The following RTN1 variants were observed in gnomAD, a reference collection of about 807,000 sequenced individuals.
RTN1 encodes the protein reticulon 1.
RTN1 carries 25 observed loss-of-function variants against 65.5 expected under a neutral mutation model. That is an observed-to-expected ratio of 0.38 (90% CI 0.28 to 0.53). RTN1 has a LOEUF of 0.53. RTN1 is among the 20% of genes least tolerant of loss of function. RTN1 has a pLI of 0.79. For missense variants in RTN1, 983 were observed against 1,025.4 expected, an observed-to-expected ratio of 0.96 and a Z score of 0.57; for synonymous variants, 471 against 447.6, an observed-to-expected ratio of 1.05 and a Z score of -0.66.
chr14:59,812,364 T>C (rs1409576309), intron 1 of RTN1, among the ~76,000 whole-genome samples: 1 of 152,164 alleles, frequency 6.6e-6, no homozygotes, highest in Non-Finnish European at 1.5e-5. Flanking sequence ...ATGTGTTAAA[T>C]GGTTAAGAAA....
chr14:59,744,088 T>C lies in RTN1; in HGVS notation c.1015+1620A>G, dbSNP rs573724428. On this transcript the variant is annotated intron_variant, in intron 2 of 8. Transcript: ENST00000267484. ...TGAAGGAACTTTGGGGAGAAGGAAT[T>C]AATGCTAAAATCTATAGGGAAAGAA... is the stretch of plus-strand genomic sequence containing the variant. 8.5e-5 allele frequency among the ~76,000 whole-genome samples: 13 copies of C among 152,244 alleles called. 1 individual carries two copies. In the South Asian group the frequency reaches 2.7e-3, roughly 32 times the overall value.
rs1292016855 is a variant in RTN1, at chr14:59,741,112, C to T, written c.1015+4596G>A. On this transcript the variant is annotated intron_variant, in intron 2 of 8. Transcript: ENST00000267484. ...CCTGGCTCATTCTCCATGCAGCATC[C>T]GGAAGGATCAATTGAAAACCCAAGT... is the stretch of plus-strand genomic sequence containing the variant. Among the ~76,000 whole-genome samples, 7 of 152,288 alleles carry T rather than the reference C, an allele frequency of 4.6e-5. No individual in the cohort carries two copies. The South Asian group carries it at 6.2e-4, about 14-fold the overall frequency.
chr14:59,767,563 A>C (rs1243195393), intron 1 of RTN1, among the ~76,000 whole-genome samples: 3 of 152,206 alleles, frequency 2.0e-5, no homozygotes, highest in Admixed American at 6.5e-5. Context: ...TACAGCATGC[A>C]AATAAAACGA....
intron 1 of RTN1, among the ~76,000 whole-genome samples, chr14:59,864,604 A>G (rs1887766647): frequency 6.6e-6 from 1 of 152,012 alleles, no homozygotes. Context: ...CCTTTTCTGT[A>G]CTATAATCCT....
chr14:59,685,227 G>A (rs1883822828), intron 3 of RTN1, among the ~76,000 whole-genome samples: 1 of 152,174 alleles, frequency 6.6e-6, no homozygotes, highest in Non-Finnish European at 1.5e-5. Flanking sequence ...AACGGGAAAA[G>A]TTGAGAGCTT....
At chr14:59,751,956 C>G (rs1885531255) in intron 1 of RTN1, among the ~76,000 whole-genome samples, 1 of 152,176 alleles carries the variant, frequency 6.6e-6, no homozygotes, top group African/African-American at 2.4e-5. Context: ...GCATACAAAG[C>G]CCTTCACAGT....
intron 3 of RTN1, among the ~76,000 whole-genome samples, chr14:59,629,062 A>G (rs1204134970): frequency 1.3e-5 from 2 of 152,218 alleles, no homozygotes; most frequent in Non-Finnish European, 2.9e-5. Context: ...GTTACAAAAT[A>G]TTTTCACAGC....
chr14:59,726,790 C>CCGTT, intron 3 of RTN1, 129 bp downstream of exon 3: 7 of 789,660 alleles, frequency 8.9e-6, no homozygotes, highest in Non-Finnish European at 1.4e-5. Context: ...CCCCCTGGAA[C>CCGTT]CGTTCTCTGG....
At chr14:59,806,081 C>T (rs1215228148) in intron 1 of RTN1, among the ~76,000 whole-genome samples, 1 of 151,846 alleles carries the variant, frequency 6.6e-6, no homozygotes, top group African/African-American at 2.4e-5. Context: ...ACTAAAAATA[C>T]AAAAATTAGC....
intron 1 of RTN1, among the ~76,000 whole-genome samples, chr14:59,789,003 AT>A (rs1886300741): frequency 6.6e-6 from 1 of 152,162 alleles, no homozygotes; most frequent in East Asian, 1.9e-4. Flanking sequence ...TAGATTTTCA[AT>A]TTTTCAAAAG....
intron 1 of RTN1, among the ~76,000 whole-genome samples, chr14:59,840,389 T>G (rs531706187): frequency 1.3e-4 from 20 of 152,314 alleles, no homozygotes; most frequent in East Asian, 7.7e-4. Context: ...GTATAGTGGC[T>G]AAGAGCACAT....
chr14:59,693,528 G>C (rs577457603), intron 3 of RTN1, among the ~76,000 whole-genome samples: 11 of 152,130 alleles, frequency 7.2e-5, no homozygotes, highest in African/African-American at 2.6e-4. Flanking sequence ...CGTCCTATCA[G>C]ACCCCAAAGT....
chr14:59,718,467 T>C (rs991006252), intron 3 of RTN1, among the ~76,000 whole-genome samples: 5 of 152,224 alleles, frequency 3.3e-5, no homozygotes, highest in Non-Finnish European at 7.3e-5. Flanking sequence ...TTCTTGGCCC[T>C]AGGCAAGCAT....
rs895717610 is a variant in RTN1 at position 59,644,491 on chromosome 14, G to T, written c.1766-36999C>A. Among the ~76,000 whole-genome samples the T allele has an allele frequency of 6.6e-5, 10 of 152,260 alleles. No homozygotes were observed. The East Asian group carries it at 1.7e-3, about 27-fold the overall frequency. On this transcript the variant is annotated intron_variant, in intron 3 of 8. Coordinates refer to ENST00000267484, the MANE Select transcript of RTN1 (RefSeq NM_021136.3). Reference sequence around the variant, plus strand: ...TATGTGGAGTCTTGGCAGAGCAGCTGCTCAGGCACACGTGGAGCCCCGGGA... The same window carrying T: ...TATGTGGAGTCTTGGCAGAGCAGCTTCTCAGGCACACGTGGAGCCCCGGGA...
intron 8 of RTN1, among the ~76,000 whole-genome samples, chr14:59,602,755 T>C (rs1881619041): frequency 6.6e-6 from 1 of 152,196 alleles, no homozygotes; most frequent in Non-Finnish European, 1.5e-5. Context: ...TTGAATCAAG[T>C]TTCCTTCTTT....
At chr14:59,751,939 A>G (rs933739264) in intron 1 of RTN1, among the ~76,000 whole-genome samples, 6 of 151,326 alleles carry the variant, frequency 4.0e-5, no homozygotes, top group Non-Finnish European at 7.4e-5. Flanking sequence ...CTCACCCTCC[A>G]CTCCGGGCAT....
At chr14:59,673,046 A>G (rs540884096) in intron 3 of RTN1, among the ~76,000 whole-genome samples, 19 of 152,130 alleles carry the variant, frequency 1.2e-4, no homozygotes, top group Non-Finnish European at 2.6e-4. Flanking sequence ...TCTCTTTTTC[A>G]ACTTTCATTT....
At chr14:59,722,652 T>C (rs1884669774) in intron 3 of RTN1, among the ~76,000 whole-genome samples, 2 of 152,286 alleles carry the variant, frequency 1.3e-5, no homozygotes, top group African/African-American at 4.8e-5. Flanking sequence ...AATATAATGT[T>C]ACTTTTTCAG....
At chr14:59,761,962 C>G (rs138832379) in intron 1 of RTN1, among the ~76,000 whole-genome samples, 1 of 152,054 alleles carries the variant, frequency 6.6e-6, no homozygotes, top group African/African-American at 2.4e-5. Context: ...GACAACTAAG[C>G]GGTAATGCTG....
Sources: gnomAD v4.1 joint callset for allele counts (sites outside exome capture counted in the v4.1 genomes callset) on GRCh38, gnomAD v4.1.1 for gene constraint, MANE v1.5 for transcripts, NCBI Gene and HGNC (gene_info 2026-07-23, HGNC 2026-07-21) for gene names.